Variants in CLTCL1 observed in about 807,000 individuals in gnomAD.
The protein encoded by CLTCL1 is clathrin heavy chain like 1, also known as clathrin heavy chain 2.
Under a neutral mutation model 190.0 loss-of-function variants are expected in CLTCL1, and 159 were observed. The observed-to-expected ratio is 0.84, with a 90% CI of 0.74 to 0.95. CLTCL1 has a LOEUF of 0.95. CLTCL1 is among the 40% of genes least tolerant of loss of function. CLTCL1 has a pLI of 0.00. For synonymous variants in CLTCL1, 752 were observed against 769.6 expected, an observed-to-expected ratio of 0.98 and a Z score of 0.38; for missense variants, 1,878 against 2,033.4, an observed-to-expected ratio of 0.92 and a Z score of 1.47.
intron 23 of CLTCL1, among the ~76,000 whole-genome samples, chr22:19,200,483 C>A (rs940988595): frequency 5.9e-5 from 9 of 152,212 alleles, no homozygotes; most frequent in Admixed American, 3.3e-4. Context: ...ATATTGGCAA[C>A]ATCTTTTCCT....
At chr22:19,236,694 C>T (rs1254517491) in intron 5 of CLTCL1, among the ~76,000 whole-genome samples, 2 of 152,054 alleles carry the variant, frequency 1.3e-5, no homozygotes, top group African/African-American at 4.8e-5. Flanking sequence ...TGACTATAGT[C>T]CCAGCTACTT....
chr22:19,250,563 A>AT (rs1196221358), intron 3 of CLTCL1, among the ~76,000 whole-genome samples: 50 of 142,460 alleles, frequency 3.5e-4, no homozygotes, highest in Admixed American at 7.7e-4. Flanking sequence ...AACTTTTTTA[A>AT]TTTTTTTTTA....
chr22:19,181,043 C>A, intron 30 of CLTCL1: 1 of 558,016 alleles, frequency 1.8e-6, no homozygotes, highest in Non-Finnish European at 3.2e-6. Flanking sequence ...GTGGGGCCCC[C>A]AGAGCTTCCC....
chr22:19,223,990 G>A lies in CLTCL1; in HGVS notation c.2193C>T (p.Tyr731=), dbSNP rs782144550. The A allele has an allele frequency of 6.2e-7, 1 of 1,613,984 alleles. No individual in the cohort carries two copies. Among genetic ancestry groups the A allele is most frequent in the Non-Finnish European group, 8.5e-7 (1 of 1,179,882 alleles). Residue 731 remains tyrosine, a synonymous_variant, in exon 14 of 33, where the codon TAC becomes TAT. Coordinates refer to ENST00000427926, the MANE Select transcript of CLTCL1 (RefSeq NM_007098.4). ...GCCCTGTCTTACAGGCAGCCTGAAT[G>A]TATTTCAGATGCACATCTGGGTCTT... is the stretch of plus-strand genomic sequence containing the variant. ...FSQDPDVHLK[Y]IQAACKTGQI...
intron 2 of CLTCL1, chr22:19,258,094 C>T: frequency 2.4e-6 from 1 of 424,658 alleles, no homozygotes; most frequent in South Asian, 1.8e-5. Context: ...TCACTGATGA[C>T]ACCAGTGTCA....
intron 1 of CLTCL1, among the ~76,000 whole-genome samples, chr22:19,290,109 T>G (rs2088054958): frequency 6.6e-6 from 1 of 152,190 alleles, no homozygotes; most frequent in South Asian, 2.1e-4. Context: ...CTGATGGACA[T>G]TACAAATCCT....
chr22:19,224,370 G>C (rs1222596810), intron 13 of CLTCL1, among the ~76,000 whole-genome samples: 1 of 152,138 alleles, frequency 6.6e-6, no homozygotes, highest in African/African-American at 2.4e-5. Flanking sequence ...GAGGTAATCT[G>C]AAATGGTGGT....
At chr22:19,187,271 G>A (rs1302464578) in intron 29 of CLTCL1, among the ~76,000 whole-genome samples, 1 of 152,072 alleles carries the variant, frequency 6.6e-6, no homozygotes, top group African/African-American at 2.4e-5. Context: ...CTGTGTTTTG[G>A]TAGAGTGAAA....
chr22:19,259,361 C>T (rs2086868859), intron 2 of CLTCL1, among the ~76,000 whole-genome samples: 1 of 152,088 alleles, frequency 6.6e-6, no homozygotes, highest in Non-Finnish European at 1.5e-5. Context: ...CCGCCTCGGC[C>T]TCCCAAAGTG....
At chr22:19,197,084 T>A (rs2084734772) in intron 24 of CLTCL1, among the ~76,000 whole-genome samples, 1 of 152,164 alleles carries the variant, frequency 6.6e-6, no homozygotes, top group South Asian at 2.1e-4. Context: ...CTAATTATGA[T>A]GGCCAGCCCC....
At chr22:19,256,286 T>A (rs1462145158) in intron 2 of CLTCL1, among the ~76,000 whole-genome samples, 1 of 151,692 alleles carries the variant, frequency 6.6e-6, no homozygotes, top group Non-Finnish European at 1.5e-5. Context: ...GCCTCTCAAG[T>A]AGTTGGGACT....
chr22:19,285,979 G>C lies in CLTCL1; in HGVS notation c.42+5621C>G, dbSNP rs979094301. Reference sequence around the variant, plus strand: ...ATTTTTGGAAGGATATGGTGGCTTCGTTTATAGTGGTTTCCCCTGGGGAGA... The same window carrying C: ...ATTTTTGGAAGGATATGGTGGCTTCCTTTATAGTGGTTTCCCCTGGGGAGA... On this transcript the variant is annotated intron_variant, in intron 1 of 32. Coordinates refer to ENST00000427926, the MANE Select transcript of CLTCL1 (RefSeq NM_007098.4). 1.5e-4 allele frequency among the ~76,000 whole-genome samples: 23 copies of C among 152,270 alleles called. No individual in the cohort carries two copies. The South Asian group carries it at 3.9e-3, about 26-fold the overall frequency.
Position 19,275,751 on chromosome 22 carries a change from C to T in CLTCL1, c.122G>A (p.Arg41Gln), listed in dbSNP as rs375568935. The change falls in exon 2 of 33, where the codon CGA becomes CAA. Residue 41 changes from arginine to glutamine, a missense_variant. Arg to Gln is a conservative substitution (Grantham distance 43). Transcript: ENST00000427926. Reference sequence around the variant, plus strand: ...CTGTGCCTGCTCACCAACTTTCTCTCGGATACATATGAACTTGTCAGATTC... The same window carrying T: ...CTGTGCCTGCTCACCAACTTTCTCTTGGATACATATGAACTTGTCAGATTC... The part of the protein sequence containing the change: ...TMESDKFICI[R>Q]EKVGEQAQVT... 5.2e-5 allele frequency: 83 copies of T among 1,609,956 alleles called. No individual in the cohort carries two copies. The South Asian group carries it at 7.8e-4, about 15-fold the overall frequency.
chr22:19,282,303 T>C (rs1309395890), intron 1 of CLTCL1, among the ~76,000 whole-genome samples: 2 of 144,724 alleles, frequency 1.4e-5, no homozygotes, highest in Non-Finnish European at 3.0e-5. Flanking sequence ...CACTCCAGCC[T>C]GGCGACAGAG....
chr22:19,258,107 G>A (rs1305354762), intron 2 of CLTCL1: 4 of 412,728 alleles, frequency 9.7e-6, no homozygotes, highest in South Asian at 3.8e-5. Context: ...CAGTGTCACT[G>A]GGCTGTAGAT....
At chr22:19,199,928 C>A in intron 23 of CLTCL1, 87 bp from the exon 24 acceptor site, 2 of 767,546 alleles carry the variant, frequency 2.6e-6, no homozygotes, top group Non-Finnish European at 4.3e-6. Flanking sequence ...GTTGCAAATG[C>A]AGAAATACCA....
chr22:19,212,322 G>A (rs563670553), intron 19 of CLTCL1, among the ~76,000 whole-genome samples: 2 of 151,910 alleles, frequency 1.3e-5, no homozygotes, highest in Non-Finnish European at 2.9e-5. Context: ...CACTTTGGGA[G>A]GCCAAGGTGG....
intron 2 of CLTCL1, among the ~76,000 whole-genome samples, chr22:19,270,409 T>C (rs1268090697): frequency 1.3e-5 from 2 of 151,996 alleles, no homozygotes; most frequent in South Asian, 2.1e-4. Flanking sequence ...CACAACTCTA[T>C]GAATTCACTA....
rs782100087 is a variant in CLTCL1, at chr22:19,198,913, T to TA, written c.3873+820dup. Among the ~76,000 whole-genome samples, 5 of 152,352 alleles carry TA rather than the reference T, an allele frequency of 3.3e-5. No individual in the cohort carries two copies. Among genetic ancestry groups the TA allele is most frequent in the Admixed American group, 6.5e-5 (1 of 15,302 alleles). On this transcript the variant is annotated intron_variant, in intron 24 of 32. Coordinates refer to ENST00000427926, the MANE Select transcript of CLTCL1 (RefSeq NM_007098.4). The surrounding 1 kb of genome is among the most constrained non-coding windows in gnomAD (Gnocchi z 4.1). ...CTAAATTGTTCTTTTGTCAGCCCTG[T>TA]ACTGCTTGATCACCCTCCCTGTTGG... is the stretch of plus-strand genomic sequence containing the variant.
Sources: allele counts gnomAD v4.1 joint callset (sites outside exome capture counted in the v4.1 genomes callset), GRCh38; gene constraint gnomAD v4.1.1; non-coding constraint Gnocchi (gnomAD v3.1); transcripts MANE v1.5; gene names NCBI Gene and HGNC (gene_info 2026-07-23, HGNC 2026-07-21).